Variants in KIAA1328 observed in about 807,000 individuals in gnomAD.
The protein encoded by KIAA1328 is protein hinderin.
KIAA1328 carries 52 observed loss-of-function variants against 68.1 expected under a neutral mutation model. The ratio of observed to expected loss-of-function variants is 0.76; its 90% CI spans 0.61 to 0.96. The LOEUF is 0.96. KIAA1328 is among the 40% of genes least tolerant of loss of function. The pLI is 0.00. For synonymous variants in KIAA1328, 232 were observed against 239.4 expected, an observed-to-expected ratio of 0.97 and a Z score of 0.28; for missense variants, 641 against 677.6, an observed-to-expected ratio of 0.95 and a Z score of 0.60.
chr18:37,185,866 G>A (rs2154216396), intron 9 of KIAA1328, among the ~76,000 whole-genome samples: 1 of 151,248 alleles, frequency 6.6e-6, no homozygotes, highest in Admixed American at 6.6e-5. Flanking sequence ...TATTTCTTGT[G>A]CGGAAATTCA....
chr18:36,955,486 T>A (rs1279629793), intron 5 of KIAA1328, among the ~76,000 whole-genome samples: 1 of 151,856 alleles, frequency 6.6e-6, no homozygotes, highest in African/African-American at 2.4e-5. Flanking sequence ...ATTTTTGTAT[T>A]TTTAGTAGAG....
intron 7 of KIAA1328, among the ~76,000 whole-genome samples, chr18:37,129,503 T>G (rs563705788): frequency 4.9e-4 from 74 of 152,186 alleles, no homozygotes; most frequent in Non-Finnish European, 1.0e-3. Flanking sequence ...AAACAAAATT[T>G]AAACAAAAGT....
intron 6 of KIAA1328, among the ~76,000 whole-genome samples, chr18:36,983,500 A>G (rs2052780511): frequency 2.0e-5 from 3 of 152,098 alleles, no homozygotes; most frequent in African/African-American, 7.2e-5. Flanking sequence ...GAACGAGGAA[A>G]ATCTAAGGAT....
At chr18:36,833,611 C>T (rs2046572431) in intron 1 of KIAA1328, among the ~76,000 whole-genome samples, 1 of 152,096 alleles carries the variant, frequency 6.6e-6, no homozygotes, top group Non-Finnish European at 1.5e-5. Flanking sequence ...AGGGAACATG[C>T]ACAGAAGTGA....
chr18:37,100,997 A>C (rs568732638), intron 7 of KIAA1328, among the ~76,000 whole-genome samples: 97 of 152,346 alleles, frequency 6.4e-4, no homozygotes, highest in African/African-American at 2.3e-3. Flanking sequence ...CAGAAAGGAC[A>C]TCCACACCAA....
At chr18:36,878,949 T>G (rs1337546452) in intron 4 of KIAA1328, among the ~76,000 whole-genome samples, 1 of 152,226 alleles carries the variant, frequency 6.6e-6, no homozygotes, top group Non-Finnish European at 1.5e-5. Flanking sequence ...CTTCCTTGCA[T>G]TGGGTTAGAA....
intron 9 of KIAA1328, among the ~76,000 whole-genome samples, chr18:37,195,395 C>G (rs1381042771): frequency 6.6e-6 from 1 of 152,064 alleles, no homozygotes; most frequent in African/African-American, 2.4e-5. Context: ...TTACCCAAAC[C>G]CATGTCCTGT....
At chr18:37,132,752 A>G (rs946852719) in intron 7 of KIAA1328, among the ~76,000 whole-genome samples, 2 of 152,202 alleles carry the variant, frequency 1.3e-5, no homozygotes, top group African/African-American at 4.8e-5. Flanking sequence ...TTCTTACTTT[A>G]CCTTTGACTG....
At chr18:37,061,111 T>C (rs1483582731) in intron 6 of KIAA1328, among the ~76,000 whole-genome samples, 2 of 151,614 alleles carry the variant, frequency 1.3e-5, no homozygotes, top group African/African-American at 2.4e-5. Flanking sequence ...CAAGACTCCG[T>C]CTCAAAAAAA....
At chr18:36,923,334 A>C (rs759103120) in intron 5 of KIAA1328, among the ~76,000 whole-genome samples, 28 of 152,186 alleles carry the variant, frequency 1.8e-4, no homozygotes, top group Non-Finnish European at 3.8e-4. Flanking sequence ...GAAACAAACA[A>C]CAGAAAAGCA....
chr18:37,119,672 A>G (rs551525746), intron 7 of KIAA1328, among the ~76,000 whole-genome samples: 5 of 152,180 alleles, frequency 3.3e-5, no homozygotes, highest in Admixed American at 2.6e-4. Flanking sequence ...CCTTCAATAT[A>G]TGAATGAGGA....
At chr18:37,159,057 AAAG>A (rs1352920197) in intron 7 of KIAA1328, among the ~76,000 whole-genome samples, 1 of 152,176 alleles carries the variant, frequency 6.6e-6, no homozygotes, top group Admixed American at 6.5e-5. Context: ...TTTAAAAAAA[AAAG>A]AAGAGTATCA....
At position 37,090,704 on chromosome 18, in the gene KIAA1328, TCAGA is replaced by T. The variant is rs539947110; in HGVS notation, c.1232+23160_1232+23163del. Among the ~76,000 whole-genome samples, 685 of 152,344 alleles carry T rather than the reference TCAGA, an allele frequency of 4.5e-3. 4 individuals are homozygous for T. Among genetic ancestry groups the T allele is most frequent in the South Asian group, 0.019 (93 of 4,830 alleles). On this transcript the variant is annotated intron_variant, in intron 7 of 9. Coordinates refer to ENST00000280020, the MANE Select transcript of KIAA1328 (RefSeq NM_020776.3). ...TGATTTTGAAAGGTATATGGTCTTC[TCAGA>T]GGCATTTAGGACATTTTTTTGGAAG...
chr18:37,113,623 A>G (rs1184099512), intron 7 of KIAA1328, among the ~76,000 whole-genome samples: 5 of 152,216 alleles, frequency 3.3e-5, no homozygotes, highest in Admixed American at 6.5e-5. Context: ...TAACCAGCTA[A>G]CATCATAATG....
intron 4 of KIAA1328, among the ~76,000 whole-genome samples, chr18:36,876,004 C>T (rs890929935): frequency 1.3e-4 from 19 of 151,990 alleles, no homozygotes; most frequent in Non-Finnish European, 2.1e-4. Flanking sequence ...CCTTGCATCC[C>T]AGGGATGAAG....
intron 6 of KIAA1328, among the ~76,000 whole-genome samples, chr18:37,021,307 A>T (rs927561208): frequency 9.8e-5 from 15 of 152,340 alleles, no homozygotes; most frequent in African/African-American, 3.6e-4. Flanking sequence ...GGACAAACAA[A>T]TGCAATAAAT....
intron 9 of KIAA1328, among the ~76,000 whole-genome samples, chr18:37,217,587 G>T (rs566945485): frequency 1.3e-5 from 2 of 152,246 alleles, no homozygotes; most frequent in Admixed American, 6.5e-5. Flanking sequence ...CTTTCTCTCT[G>T]GCTGCCCTTA....
intron 7 of KIAA1328, among the ~76,000 whole-genome samples, chr18:37,080,697 C>A (rs2056919863): frequency 1.3e-5 from 2 of 151,392 alleles, no homozygotes; most frequent in South Asian, 2.1e-4. Context: ...ATTGCTTGAA[C>A]CTGGGAGACG....
chr18:37,124,555 A>C (rs932514706), intron 7 of KIAA1328, among the ~76,000 whole-genome samples: 1 of 152,124 alleles, frequency 6.6e-6, no homozygotes. Context: ...AATGTGCATC[A>C]CGGTCATGTC....
Sources: allele counts gnomAD v4.1 joint callset (sites outside exome capture counted in the v4.1 genomes callset), GRCh38; gene constraint gnomAD v4.1.1; transcripts MANE v1.5; gene names NCBI Gene and HGNC (gene_info 2026-07-23, HGNC 2026-07-21).